Variants in DHRSX observed in about 807,000 individuals in gnomAD.
DHRSX encodes the protein dehydrogenase/reductase X-linked.
DHRSX carries 31 observed loss-of-function variants against 34.0 expected under a neutral mutation model. The ratio of observed to expected loss-of-function variants is 0.91; its 90% CI spans 0.69 to 1.23. The LOEUF (loss-of-function observed/expected upper bound fraction) is 1.23. Among genes scored for constraint, DHRSX ranks in the 50% most tolerant of loss-of-function variants. The probability of loss-of-function intolerance (pLI) is 0.00; values close to 1 mark genes in which losing one functional copy is unlikely to be tolerated. For missense variants in DHRSX, 414 were observed against 428.1 expected (o/e 0.97, Z 0.29); for synonymous variants, 201 against 183.8 (o/e 1.09, Z -0.76).
chrX:2,241,218 G>A (rs73626185), intron 6 of DHRSX, among the ~76,000 whole-genome samples: 4,167 of 152,078 alleles, frequency 0.027, 216 homozygotes, highest in African/African-American at 0.095. Flanking sequence ...GGAATGGCTG[G>A]GGCATGAAAT....
At chrX:2,475,937 C>T (rs1035725181) in intron 1 of DHRSX, among the ~76,000 whole-genome samples, 9 of 152,140 alleles carry the variant, frequency 5.9e-5, no homozygotes, top group Admixed American at 3.3e-4. Context: ...ATCTAATCGC[C>T]TTCTAAATAA....
intron 1 of DHRSX, among the ~76,000 whole-genome samples, chrX:2,484,917 C>T (rs2044846556): frequency 1.3e-5 from 2 of 152,094 alleles, no homozygotes; most frequent in African/African-American, 4.8e-5. Context: ...CCAGAAACAG[C>T]CCAACCGGCT....
Position 2,266,741 on chromosome X carries a change from T to C in DHRSX, c.595A>G (p.Ser199Gly), listed in dbSNP as rs772094963. The change falls in exon 5 of 7, where the codon AGT becomes GGT. Residue 199 changes from serine to glycine, a missense_variant and splice_region_variant. Coordinates refer to ENST00000334651, the MANE Select transcript of DHRSX (RefSeq NM_145177.3). ...AELNMDDLQSSACYSPHAAYA... is the reference protein window; with the variant it reads ...AELNMDDLQSGACYSPHAAYA... Reference sequence around the variant, plus strand: ...TGATTATTCACAGGGTGCACCTACCTGCTCTGAAGGTCATCCATGTTCAGC... The same window carrying C: ...TGATTATTCACAGGGTGCACCTACCCGCTCTGAAGGTCATCCATGTTCAGC... 37 of 1,613,898 alleles carry C rather than the reference T, an allele frequency of 2.3e-5. No homozygotes were observed. Among genetic ancestry groups the C allele is most frequent in the South Asian group, 3.3e-5 (3 of 91,070 alleles).
At chrX:2,365,748 G>A (rs1330511614) in intron 3 of DHRSX, among the ~76,000 whole-genome samples, 49 of 152,174 alleles carry the variant, frequency 3.2e-4, no homozygotes, top group Non-Finnish European at 1.2e-4. Context: ...GACTGCCTTT[G>A]GTGAGCCTTG....
Position 2,236,964 on chromosome X carries a change from G to A in DHRSX, c.804+6059C>T, listed in dbSNP as rs559629255. 1.2e-4 allele frequency among the ~76,000 whole-genome samples: 19 copies of A among 152,066 alleles called. No individual in the cohort carries two copies. In the South Asian group the frequency reaches 3.3e-3, roughly 27 times the overall value. On this transcript the variant is annotated intron_variant, in intron 6 of 6. Coordinates refer to ENST00000334651, the MANE Select transcript of DHRSX (RefSeq NM_145177.3). Reference sequence around the variant, plus strand: ...AGCACTTCGGCAGGCCGAGGCAGGCGGCTCACTCGAGACTGTGAGTTCGAG... The same window carrying A: ...AGCACTTCGGCAGGCCGAGGCAGGCAGCTCACTCGAGACTGTGAGTTCGAG...
At chrX:2,228,664 T>C (rs1320929984) in intron 6 of DHRSX, among the ~76,000 whole-genome samples, 3 of 151,926 alleles carry the variant, frequency 2.0e-5, no homozygotes, top group Non-Finnish European at 4.4e-5. Context: ...AATTCTGATT[T>C]CTAAGATAAG....
intron 6 of DHRSX, among the ~76,000 whole-genome samples, chrX:2,229,775 A>C (rs2015825294): frequency 6.6e-6 from 1 of 151,662 alleles, no homozygotes; most frequent in African/African-American, 2.4e-5. Flanking sequence ...GGGGGCGCAG[A>C]TGTGCGGGTA....
intron 5 of DHRSX, among the ~76,000 whole-genome samples, chrX:2,264,969 T>A (rs1295067930): frequency 3.9e-5 from 5 of 128,398 alleles, no homozygotes; most frequent in Non-Finnish European, 8.2e-5. Context: ...CCAGAGCACC[T>A]GTGCCCAGCA....
At chrX:2,389,872 C>T (rs1220404876) in intron 3 of DHRSX, among the ~76,000 whole-genome samples, 1 of 152,174 alleles carries the variant, frequency 6.6e-6, no homozygotes, top group African/African-American at 2.4e-5. Flanking sequence ...CCTCCGCCTC[C>T]GGGGATCAAG....
intron 3 of DHRSX, among the ~76,000 whole-genome samples, chrX:2,391,175 G>A (rs1259022463): frequency 1.3e-5 from 2 of 152,200 alleles, no homozygotes; most frequent in Admixed American, 1.3e-4. Context: ...TATATACCCA[G>A]CAGTGGAATT....
chrX:2,405,660 G>A (rs1254807568), intron 3 of DHRSX, among the ~76,000 whole-genome samples: 3 of 151,860 alleles, frequency 2.0e-5, no homozygotes, highest in Admixed American at 6.6e-5. Context: ...AGCTGGGTGT[G>A]GTGCTGCACA....
At chrX:2,230,578 TATC>T (rs1437274786) in intron 6 of DHRSX, among the ~76,000 whole-genome samples, 37 of 152,210 alleles carry the variant, frequency 2.4e-4, no homozygotes, top group Non-Finnish European at 4.6e-4. Context: ...AGTTTGTGGA[TATC>T]ATTAACATTT....
rs768014658 is a variant in DHRSX, at chrX:2,253,236, G to A, written c.597-10006C>T. Among the ~76,000 whole-genome samples, 15 of 152,210 alleles carry A rather than the reference G, an allele frequency of 9.9e-5. No homozygotes were observed. In the South Asian group the frequency reaches 2.9e-3, roughly 29 times the overall value. On this transcript the variant is annotated intron_variant, in intron 5 of 6. Transcript: ENST00000334651. ...GGCGGACATGGCCTTGAGCCAAGAT[G>A]GCGCCACGGCACTCCAGCCTAGGAG...
rs1255449307 is a variant in DHRSX at position 2,382,808 on chromosome X, C to T, written c.286+25937G>A. ...TCATCACCATCATCATCACCATCAC[C>T]GTCATCACCACCATCATCACCATCA... On this transcript the variant is annotated intron_variant, in intron 3 of 6. Transcript: ENST00000334651. Among the ~76,000 whole-genome samples, 404 of 135,080 alleles carry T rather than the reference C, an allele frequency of 3.0e-3. 21 individuals carry two copies. In the East Asian group the frequency reaches 0.034, roughly 11 times the overall value. The allele number at this position is 135,080 out of a possible 152,430, so 88.6% of individuals were successfully genotyped here.
chrX:2,366,901 G>C (rs772151564), intron 3 of DHRSX, among the ~76,000 whole-genome samples: 31 of 151,994 alleles, frequency 2.0e-4, no homozygotes, highest in Non-Finnish European at 3.2e-4. Flanking sequence ...TGGATCATTC[G>C]TGTGTACAAT....
At chrX:2,264,519 G>C (rs1196245812) in intron 5 of DHRSX, among the ~76,000 whole-genome samples, 2 of 150,182 alleles carry the variant, frequency 1.3e-5, no homozygotes, top group African/African-American at 4.9e-5. Flanking sequence ...AGGGAGCACT[G>C]TGCCCAGAGC....
chrX:2,282,410 A>G (rs1489390561), intron 4 of DHRSX, among the ~76,000 whole-genome samples: 3 of 142,358 alleles, frequency 2.1e-5, no homozygotes, highest in South Asian at 2.5e-4. Context: ...GAAAGAGAGA[A>G]AGGGGGAGAG....
At chrX:2,357,525 A>G (rs1351873916) in intron 3 of DHRSX, among the ~76,000 whole-genome samples, 1 of 152,060 alleles carries the variant, frequency 6.6e-6, no homozygotes, top group African/African-American at 2.4e-5. Context: ...AACAAAAAGG[A>G]CATCTGCCAA....
chrX:2,318,192 GA>G (rs559205251), intron 3 of DHRSX, among the ~76,000 whole-genome samples: 7,562 of 108,576 alleles, frequency 0.07, 477 homozygotes, highest in African/African-American at 0.19. Flanking sequence ...CAAAAATACA[GA>G]AAAAAAAAAA....
Sources: gnomAD v4.1 joint callset for allele counts (sites outside exome capture counted in the v4.1 genomes callset) on GRCh38, gnomAD v4.1.1 for gene constraint, MANE v1.5 for transcripts, NCBI Gene and HGNC (gene_info 2026-07-23, HGNC 2026-07-21) for gene names.